The following SGCZ variants were observed in gnomAD, a reference collection of about 807,000 sequenced individuals.
SGCZ encodes the protein zeta-sarcoglycan.
SGCZ carries 40 observed loss-of-function variants against 41.3 expected under a neutral mutation model. The ratio of observed to expected loss-of-function variants is 0.97; its 90% CI spans 0.75 to 1.26. The LOEUF (loss-of-function observed/expected upper bound fraction) is 1.26, where lower values mean the gene tolerates loss of function less well. Among genes scored for constraint, SGCZ ranks in the 50% most tolerant of loss-of-function variants. The pLI is 0.00. For synonymous variants in SGCZ, 206 were observed against 137.5 expected (o/e 1.50, Z -3.49); for missense variants, 552 against 369.8 (o/e 1.49, Z -4.04).
At position 14,468,491 on chromosome 8, in the gene SGCZ, T is replaced by C. The variant is rs181201561; in HGVS notation, c.234+86241A>G. ...TTTAAAATGGCTTATAGCTGTTTCA[T>C]ACATGTCTGATCTTATCTTCTAGTT... On this transcript the variant is annotated intron_variant, in intron 2 of 7. Coordinates refer to ENST00000382080, the MANE Select transcript of SGCZ (RefSeq NM_139167.4). 9.0e-4 allele frequency among the ~76,000 whole-genome samples: 137 copies of C among 152,226 alleles called. 2 individuals are homozygous for C. In the East Asian group the frequency reaches 0.023, roughly 26 times the overall value.
intron 1 of SGCZ, among the ~76,000 whole-genome samples, chr8:14,863,294 T>A (rs1031908507): frequency 6.6e-6 from 1 of 152,160 alleles, no homozygotes; most frequent in Non-Finnish European, 1.5e-5. Context: ...ATACAGAGTT[T>A]TCTTTTTATT....
At chr8:14,422,242 T>A (rs1469756631) in intron 2 of SGCZ, among the ~76,000 whole-genome samples, 1 of 152,114 alleles carries the variant, frequency 6.6e-6, no homozygotes, top group African/African-American at 2.4e-5. Flanking sequence ...TAAAGCAAAT[T>A]TTCTCACAAG....
intron 3 of SGCZ, among the ~76,000 whole-genome samples, chr8:14,256,858 T>A: frequency 6.6e-6 from 1 of 152,316 alleles, no homozygotes; most frequent in East Asian, 1.9e-4. Context: ...ACAGCTAAAT[T>A]AATTATTTAT....
At chr8:14,639,080 T>C (rs1477986939) in intron 1 of SGCZ, among the ~76,000 whole-genome samples, 1 of 149,450 alleles carries the variant, frequency 6.7e-6, no homozygotes, top group Non-Finnish European at 1.5e-5. Flanking sequence ...GGAATTTTGC[T>C]CTGTCACCCA....
At chr8:15,192,504 G>T (rs1023634312) in intron 1 of SGCZ, among the ~76,000 whole-genome samples, 1 of 152,122 alleles carries the variant, frequency 6.6e-6, no homozygotes, top group Non-Finnish European at 1.5e-5. Flanking sequence ...CTGAGCATCA[G>T]TTGAAAATAC....
intron 1 of SGCZ, among the ~76,000 whole-genome samples, chr8:14,711,559 T>C (rs1010299475): frequency 1.6e-4 from 20 of 128,254 alleles, no homozygotes; most frequent in African/African-American, 5.0e-4. Context: ...CCAAGATTGC[T>C]CAACTGCATT....
In SGCZ at chr8:14,665,182, G is replaced by A. The variant is rs189631486; in HGVS notation, c.40-110256C>T. On this transcript the variant is annotated intron_variant, in intron 1 of 7. Coordinates refer to ENST00000382080, the MANE Select transcript of SGCZ (RefSeq NM_139167.4). ...CCCCCCTCTCCCCACCCCACAACAG[G>A]CCCCGGTGTGTGATGTTCCACTTCC... is the stretch of plus-strand genomic sequence containing the variant. 1.3e-4 allele frequency among the ~76,000 whole-genome samples: 20 copies of A among 152,014 alleles called. No individual in the cohort carries two copies. In the East Asian group the frequency reaches 3.7e-3, roughly 28 times the overall value.
At chr8:14,805,590 G>C in intron 1 of SGCZ, among the ~76,000 whole-genome samples, 1 of 135,578 alleles carries the variant, frequency 7.4e-6, no homozygotes, top group East Asian at 2.5e-4. Context: ...CACGTCCTGA[G>C]TGACCTACAA....
intron 1 of SGCZ, among the ~76,000 whole-genome samples, chr8:14,565,032 T>A (rs1804317390): frequency 6.6e-6 from 1 of 151,108 alleles, no homozygotes. Context: ...ACCTAGCAAC[T>A]GAATTTCAAG....
At chr8:14,865,254 C>G (rs567680272) in intron 1 of SGCZ, among the ~76,000 whole-genome samples, 20 of 152,022 alleles carry the variant, frequency 1.3e-4, no homozygotes, top group Non-Finnish European at 2.9e-4. Context: ...TCTTCTGCCC[C>G]TTACTCTCAT....
At chr8:14,188,741 T>C (rs1007852672) in intron 4 of SGCZ, among the ~76,000 whole-genome samples, 16 of 152,132 alleles carry the variant, frequency 1.1e-4, no homozygotes, top group African/African-American at 3.9e-4. Context: ...CAAGTTTCAT[T>C]GATTCATCCT....
chr8:14,481,648 A>G (rs6983449), intron 2 of SGCZ, among the ~76,000 whole-genome samples: 137,754 of 152,102 alleles, frequency 0.91, 63,730 homozygotes, highest in East Asian at 1. Context: ...GTTAAAGTGG[A>G]AGGGAGTTTT....
intron 1 of SGCZ, among the ~76,000 whole-genome samples, chr8:14,618,039 C>T (rs1806162667): frequency 6.6e-6 from 1 of 151,882 alleles, no homozygotes; most frequent in Non-Finnish European, 1.5e-5. Flanking sequence ...TGGAAATAGT[C>T]TATTAAATGA....
intron 1 of SGCZ, among the ~76,000 whole-genome samples, chr8:14,712,915 T>C (rs1037911784): frequency 1.3e-5 from 2 of 151,970 alleles, no homozygotes; most frequent in Admixed American, 1.3e-4. Flanking sequence ...TTTTAAACAA[T>C]AAACCAATTA....
chr8:14,799,302 G>T (rs903667592), intron 1 of SGCZ, among the ~76,000 whole-genome samples: 1 of 152,030 alleles, frequency 6.6e-6, no homozygotes, highest in African/African-American at 2.4e-5. Context: ...CTAGTTATAT[G>T]CTCTTGAGCA....
At chr8:14,730,419 A>T (rs7011408) in intron 1 of SGCZ, among the ~76,000 whole-genome samples, 2 of 151,876 alleles carry the variant, frequency 1.3e-5, no homozygotes, top group Non-Finnish European at 2.9e-5. Flanking sequence ...TTAGAATACT[A>T]AAGTGCAACC....
At chr8:14,634,090 A>T (rs1031581767) in intron 1 of SGCZ, among the ~76,000 whole-genome samples, 4 of 151,958 alleles carry the variant, frequency 2.6e-5, no homozygotes, top group African/African-American at 4.8e-5. Context: ...TATAATTTTC[A>T]GTTTAAAGAA....
chr8:14,132,465 A>G (rs901455740), intron 5 of SGCZ, among the ~76,000 whole-genome samples: 5 of 152,096 alleles, frequency 3.3e-5, no homozygotes, highest in African/African-American at 1.2e-4. Flanking sequence ...GACAACCACC[A>G]TTACTAATTT....
At chr8:15,017,042 G>T (rs1436681242) in intron 1 of SGCZ, among the ~76,000 whole-genome samples, 1 of 152,100 alleles carries the variant, frequency 6.6e-6, no homozygotes, top group Non-Finnish European at 1.5e-5. Flanking sequence ...TTCAACAAGA[G>T]GGATCACATT....
Sources: gnomAD v4.1 joint callset for allele counts (sites outside exome capture counted in the v4.1 genomes callset) on GRCh38, gnomAD v4.1.1 for gene constraint, MANE v1.5 for transcripts, NCBI Gene and HGNC (gene_info 2026-07-23, HGNC 2026-07-21) for gene names.